MYH10: variants seen among roughly 807,000 people sequenced by gnomAD.
The protein encoded by MYH10 is myosin-10.
Under a neutral mutation model 257.8 loss-of-function variants are expected in MYH10, and 55 were observed. The observed-to-expected ratio is 0.21, with a 90% CI of 0.17 to 0.27. The LOEUF (loss-of-function observed/expected upper bound fraction) is 0.27. MYH10 is among the 10% of genes least tolerant of loss of function. MYH10 has a pLI of 1.00. For synonymous variants in MYH10, 854 were observed against 921.7 expected, an observed-to-expected ratio of 0.93 and a Z score of 1.33; for missense variants, 1,631 against 2,500.6, an observed-to-expected ratio of 0.65 and a Z score of 7.42.
At chr17:8,593,215 C>T (rs2084238924) in intron 3 of MYH10, among the ~76,000 whole-genome samples, 1 of 151,536 alleles carries the variant, frequency 6.6e-6, no homozygotes, top group African/African-American at 2.4e-5. Context: ...CACAAACAAC[C>T]CTACAGTTAA....
chr17:8,489,496 G>T (rs1427239537), intron 35 of MYH10, among the ~76,000 whole-genome samples: 2 of 152,176 alleles, frequency 1.3e-5, no homozygotes, highest in East Asian at 3.8e-4. Flanking sequence ...CTGAGTCCAG[G>T]AGTTTGAGAC....
At chr17:8,499,660 C>G (rs1045559778) in intron 29 of MYH10, among the ~76,000 whole-genome samples, 184 bp from the exon 30 acceptor site, 1 of 152,146 alleles carries the variant, frequency 6.6e-6, no homozygotes, top group Non-Finnish European at 1.5e-5. Context: ...AAGGAACACA[C>G]GCGTACACAC....
At chr17:8,503,140 G>A (rs1489446937) in intron 28 of MYH10, among the ~76,000 whole-genome samples, 4 of 152,096 alleles carry the variant, frequency 2.6e-5, no homozygotes, top group African/African-American at 9.7e-5. Flanking sequence ...AAAATTAGCC[G>A]GGCGTGGTGG....
At chr17:8,560,559 T>C in intron 7 of MYH10, 1 of 769,704 alleles carries the variant, frequency 1.3e-6, no homozygotes, top group Non-Finnish European at 2.1e-6. Flanking sequence ...CCGACAAAGT[T>C]CCAAAAACAG....
chr17:8,563,249 C>T (rs1405773231), intron 7 of MYH10, among the ~76,000 whole-genome samples: 1 of 152,170 alleles, frequency 6.6e-6, no homozygotes, highest in Non-Finnish European at 1.5e-5. Context: ...CCAAACCAAA[C>T]CAGAAGCTTT....
chr17:8,536,559 GGGAGGCCGAGGCAGGT>G (rs960575997), intron 14 of MYH10, among the ~76,000 whole-genome samples: 5 of 152,270 alleles, frequency 3.3e-5, no homozygotes, highest in African/African-American at 1.2e-4. Flanking sequence ...GTAGCACTTT[GGGAGGCCGAGGCAGGT>G]GGATCACGAG....
At chr17:8,605,833 C>T (rs184231026) in intron 2 of MYH10, among the ~76,000 whole-genome samples, 1 of 152,264 alleles carries the variant, frequency 6.6e-6, no homozygotes, top group African/African-American at 2.4e-5. Flanking sequence ...TCTTCATATG[C>T]CTTACCCAAA....
intron 42 of MYH10, among the ~76,000 whole-genome samples, chr17:8,476,487 A>C (rs1328937279): frequency 6.6e-6 from 1 of 152,210 alleles, no homozygotes; most frequent in Admixed American, 6.5e-5. Context: ...TCACTGGTAC[A>C]GAGCAGATCC....
intron 21 of MYH10, among the ~76,000 whole-genome samples, chr17:8,515,165 G>GT (rs1354115772): frequency 3.3e-5 from 5 of 152,196 alleles, no homozygotes; most frequent in African/African-American, 1.2e-4. Flanking sequence ...GAAATAATCT[G>GT]TAATTGTTTC....
chr17:8,480,184 A>C lies in MYH10; in HGVS notation c.5523T>G (p.Ser1841=). 6.2e-7 allele frequency: 1 copy of C among 1,614,050 alleles called. No homozygotes were observed. The highest frequency in any genetic ancestry group is 8.5e-7 in the Non-Finnish European group (1 of 1,180,014). ...GGGCTGAGATGGTGGCCTTGAACTT[A>C]GACTTGACAGCACCCTCGAGTTCCT... ...KLQELEGAVK[S]KFKATISALE... Residue 1841 remains serine (S), a synonymous_variant, in exon 40 of 43, where the codon TCT becomes TCG. Coordinates refer to ENST00000360416, the MANE Select transcript of MYH10 (RefSeq NM_001256012.3).
chr17:8,589,421 G>C (rs548087999), intron 3 of MYH10, among the ~76,000 whole-genome samples: 1 of 152,180 alleles, frequency 6.6e-6, no homozygotes, highest in Admixed American at 6.5e-5. Flanking sequence ...AAATTCAACC[G>C]GGAAGTTTTA....
chr17:8,511,025 T>TAC (rs1555578890), intron 24 of MYH10: 1 of 4,222 alleles, frequency 2.4e-4, no homozygotes, highest in Non-Finnish European at 3.9e-3. Context: ...CATATATATA[T>TAC]ATATATATAT....
At chr17:8,615,926 C>T (rs2085244078) in intron 2 of MYH10, among the ~76,000 whole-genome samples, 1 of 152,202 alleles carries the variant, frequency 6.6e-6, no homozygotes, top group Non-Finnish European at 1.5e-5. Context: ...CTCTGATTAT[C>T]ACTTCTGTTC....
At chr17:8,606,045 T>C (rs368978346) in intron 2 of MYH10, among the ~76,000 whole-genome samples, 11 of 152,280 alleles carry the variant, frequency 7.2e-5, no homozygotes, top group South Asian at 4.1e-4. Context: ...TCTTTTTAAA[T>C]GAATTAATAA....
rs552872774 is a variant in MYH10 at position 8,542,180 on chromosome 17, C to T, written c.1532G>A (p.Arg511His). The change falls in exon 14 of 43, where the codon CGC (arginine) becomes CAC (histidine). Residue 511 changes from arginine (R) to histidine (H), a missense_variant. This residue lies in a region of MYH10 where 63 missense variants were observed against 167.9 expected (regional missense o/e 0.38). Coordinates refer to ENST00000360416, the MANE Select transcript of MYH10 (RefSeq NM_001256012.3). ...GATGAAGTTCCACTCGATGCCTTCG[C>T]GCTGGTATTCCTCTTGTTCTAGGAT... is the stretch of plus-strand genomic sequence containing the variant. The part of the protein sequence containing the change: ...MFILEQEEYQ[R>H]EGIEWNFIDF... The T allele has an allele frequency of 2.2e-5, 36 of 1,614,036 alleles. No individual in the cohort carries two copies. Among genetic ancestry groups the T allele is most frequent in the Admixed American group, 3.3e-5 (2 of 60,006 alleles).
rs1037757518 is a variant in MYH10, at chr17:8,506,919, C to T, written c.3215-430G>A. On this transcript the variant is annotated intron_variant, in intron 26 of 42. Coordinates refer to ENST00000360416, the MANE Select transcript of MYH10 (RefSeq NM_001256012.3). This position sits in a 1 kb window ranked among gnomAD's most constrained non-coding sequence, Gnocchi z 5.0. ...TGTTCTGAACCAAGAAAACTGCCATCCTCGAGTACTGGGAGAGAGGAGACA... is the reference window on the plus strand; with the variant it reads ...TGTTCTGAACCAAGAAAACTGCCATTCTCGAGTACTGGGAGAGAGGAGACA... Among the ~76,000 whole-genome samples the T allele has an allele frequency of 6.6e-6, 1 of 152,340 alleles. No individual in the cohort carries two copies. The highest frequency in any genetic ancestry group is 6.5e-5 in the Admixed American group (1 of 15,298).
intron 2 of MYH10, among the ~76,000 whole-genome samples, chr17:8,618,737 T>G (rs985363132): frequency 6.6e-6 from 1 of 152,230 alleles, no homozygotes; most frequent in Non-Finnish European, 1.5e-5. Context: ...GTCTTTCAAA[T>G]GATGACATTT....
chr17:8,592,327 GAAAA>G (rs1424772211), intron 3 of MYH10, among the ~76,000 whole-genome samples: 2 of 150,774 alleles, frequency 1.3e-5, no homozygotes, highest in Non-Finnish European at 3.0e-5. Flanking sequence ...ATGGAAAACA[GAAAA>G]AAGAAAAAAA....
At chr17:8,546,413 C>A in intron 12 of MYH10, 131 bp downstream of exon 12, 1 of 661,620 alleles carries the variant, frequency 1.5e-6, no homozygotes, top group African/African-American at 1.9e-5. Flanking sequence ...AAAAAAAACT[C>A]ATTTAGTACC....
Sources: gnomAD v4.1 joint callset for allele counts (sites outside exome capture counted in the v4.1 genomes callset) on GRCh38, gnomAD v4.1.1 for gene constraint, gnomAD v4.1.1 regional missense constraint, Gnocchi (gnomAD v3.1) non-coding constraint, MANE v1.5 for transcripts, NCBI Gene and HGNC (gene_info 2026-07-23, HGNC 2026-07-21) for gene names.